Variants in CCDC85A observed in about 807,000 individuals in gnomAD.
CCDC85A encodes the protein coiled-coil domain containing 85A.
Under a neutral mutation model 50.2 loss-of-function variants are expected in CCDC85A, and 38 were observed. The observed-to-expected ratio is 0.76, with a 90% CI of 0.58 to 0.99. CCDC85A has a LOEUF of 0.99. CCDC85A is among the 50% of genes least tolerant of loss of function. The probability of loss-of-function intolerance (pLI) is 0.00; values close to 1 mark genes in which losing one functional copy is unlikely to be tolerated. For synonymous variants in CCDC85A, 366 were observed against 301.4 expected (o/e 1.21, Z -2.22); for missense variants, 820 against 742.0 (o/e 1.11, Z -1.22).
At chr2:56,318,683 T>C (rs1673026807) in intron 2 of CCDC85A, among the ~76,000 whole-genome samples, 1 of 152,160 alleles carries the variant, frequency 6.6e-6, no homozygotes, top group Admixed American at 6.6e-5. Context: ...TTACTAACAC[T>C]AATTGAACAA....
intron 2 of CCDC85A, among the ~76,000 whole-genome samples, chr2:56,235,966 G>A (rs1668995577): frequency 6.6e-6 from 1 of 152,074 alleles, no homozygotes; most frequent in African/African-American, 2.4e-5. Context: ...CTGCTGGAGG[G>A]AAAGCCACCA....
intron 2 of CCDC85A, among the ~76,000 whole-genome samples, chr2:56,303,514 A>T (rs1334322012): frequency 1.3e-5 from 2 of 152,118 alleles, no homozygotes; most frequent in African/African-American, 4.8e-5. Context: ...TTGAACCCTG[A>T]ACCTGGTAGA....
chr2:56,214,520 T>C (rs1472236856), intron 2 of CCDC85A, among the ~76,000 whole-genome samples: 1 of 151,972 alleles, frequency 6.6e-6, no homozygotes, highest in Non-Finnish European at 1.5e-5. Flanking sequence ...ATCTCATTAA[T>C]TTCTTGAGTT....
chr2:56,333,609 G>T (rs940069653), intron 2 of CCDC85A, among the ~76,000 whole-genome samples: 1 of 152,118 alleles, frequency 6.6e-6, no homozygotes, highest in Non-Finnish European at 1.5e-5. Context: ...GTTTGGAATA[G>T]ACTGTGGGTG....
At chr2:56,306,223 G>A (rs1314234368) in intron 2 of CCDC85A, among the ~76,000 whole-genome samples, 1 of 151,992 alleles carries the variant, frequency 6.6e-6, no homozygotes, top group Non-Finnish European at 1.5e-5. Flanking sequence ...TCCGCCTCCC[G>A]GGTTCAAGCG....
At chr2:56,219,736 A>G (rs774696406) in intron 2 of CCDC85A, among the ~76,000 whole-genome samples, 2 of 151,794 alleles carry the variant, frequency 1.3e-5, no homozygotes, top group Admixed American at 1.3e-4. Context: ...TCTTAACTTC[A>G]CTTTGTCCCC....
At chr2:56,212,990 A>G (rs1677241547) in intron 2 of CCDC85A, among the ~76,000 whole-genome samples, 1 of 152,122 alleles carries the variant, frequency 6.6e-6, no homozygotes, top group Non-Finnish European at 1.5e-5. Context: ...TTTGACAATT[A>G]GATAGCCATC....
chr2:56,329,343 C>T (rs895604597), intron 2 of CCDC85A, among the ~76,000 whole-genome samples: 3 of 152,086 alleles, frequency 2.0e-5, no homozygotes, highest in Non-Finnish European at 4.4e-5. Context: ...TATTTATGTA[C>T]CTGTTTTCCC....
chr2:56,229,601 G>A (rs6545561), intron 2 of CCDC85A, among the ~76,000 whole-genome samples: 137,668 of 152,200 alleles, frequency 0.9, 62,404 homozygotes, highest in African/African-American at 0.97. Context: ...GGAGAGGCAT[G>A]CTTGGTGGTA....
chr2:56,208,473 A>C (rs904851323), intron 2 of CCDC85A, among the ~76,000 whole-genome samples: 4 of 152,150 alleles, frequency 2.6e-5, no homozygotes, highest in Non-Finnish European at 5.9e-5. Flanking sequence ...GGTATAGGTT[A>C]CAACACATAT....
chr2:56,304,317 A>G (rs747524352), intron 2 of CCDC85A, among the ~76,000 whole-genome samples: 104 of 152,174 alleles, frequency 6.8e-4, no homozygotes, highest in Non-Finnish European at 1.2e-3. Flanking sequence ...TGTTTCTGAA[A>G]CGCTCTCATA....
At chr2:56,275,244 C>A (rs985795776) in intron 2 of CCDC85A, among the ~76,000 whole-genome samples, 23 of 151,690 alleles carry the variant, frequency 1.5e-4, no homozygotes, top group Middle Eastern at 3.2e-3. Flanking sequence ...TGAATGTATC[C>A]CCAGCTACAT....
At chr2:56,183,972 G>A, upstream of CCDC85A, 1 of 985,368 alleles carries the variant, frequency 1.0e-6, no homozygotes, top group South Asian at 4.7e-5. Context: ...CCTCCAGCCG[G>A]TCCCCCACCC....
chr2:56,355,028 T>C (rs1301904668), intron 3 of CCDC85A, among the ~76,000 whole-genome samples: 1 of 152,176 alleles, frequency 6.6e-6, no homozygotes. Context: ...TTGGGAGCTG[T>C]TCCCCCATCA....
chr2:56,364,823 T>G (rs899014110), intron 3 of CCDC85A, among the ~76,000 whole-genome samples: 1 of 152,114 alleles, frequency 6.6e-6, no homozygotes, highest in African/African-American at 2.4e-5. Context: ...TCTTCTGCTA[T>G]TTTCCAGTGT....
intron 2 of CCDC85A, among the ~76,000 whole-genome samples, chr2:56,267,694 G>A (rs1166149106): frequency 1.3e-5 from 2 of 152,158 alleles, no homozygotes; most frequent in East Asian, 3.9e-4. Context: ...TCAGAGGAGT[G>A]CCAAATAGAC....
At chr2:56,350,482 T>C (rs1558653751) in intron 3 of CCDC85A, among the ~76,000 whole-genome samples, 1 of 152,174 alleles carries the variant, frequency 6.6e-6, no homozygotes, top group Non-Finnish European at 1.5e-5. Flanking sequence ...TAAAGTAAGG[T>C]AACAGGCTCA....
chr2:56,240,589 T>G (rs1360869840), intron 2 of CCDC85A, among the ~76,000 whole-genome samples: 2 of 152,160 alleles, frequency 1.3e-5, no homozygotes, highest in East Asian at 3.9e-4. Flanking sequence ...ACACTTTCTG[T>G]CTCTATGGAT....
chr2:56,208,564 G>T (rs748906208), intron 2 of CCDC85A, among the ~76,000 whole-genome samples: 3 of 152,054 alleles, frequency 2.0e-5, no homozygotes, highest in Non-Finnish European at 4.4e-5. Flanking sequence ...CAGGATCTTG[G>T]GATAATTTAT....
Sources: allele counts gnomAD v4.1 joint callset (sites outside exome capture counted in the v4.1 genomes callset), GRCh38; gene constraint gnomAD v4.1.1; transcripts MANE v1.5; gene names NCBI Gene and HGNC (gene_info 2026-07-23, HGNC 2026-07-21).